The following MMP16 variants were observed in gnomAD, a reference collection of about 807,000 sequenced individuals.
MMP16 encodes matrix metalloproteinase-16.
A neutral mutation model predicts 67.8 loss-of-function variants in MMP16; 12 were observed. The observed-to-expected ratio is 0.18, with a 90% confidence interval of 0.11 to 0.29. The LOEUF (loss-of-function observed/expected upper bound fraction) is 0.29. Ranked by LOEUF, MMP16 falls within the 10% of genes least tolerant of loss-of-function variation. The probability of loss-of-function intolerance (pLI) is 1.00; values close to 1 mark genes in which losing one functional copy is unlikely to be tolerated. For synonymous variants in MMP16, 249 were observed against 255.9 expected (o/e 0.97, Z 0.26); for missense variants, 475 against 765.7 (o/e 0.62, Z 4.48).
chr8:88,144,133 T>C (rs949667659), intron 4 of MMP16, among the ~76,000 whole-genome samples: 2 of 151,998 alleles, frequency 1.3e-5, no homozygotes, highest in Admixed American at 6.6e-5. Flanking sequence ...TCTGGTTTAA[T>C]GTATAATCAT....
chr8:88,290,299 T>C (rs946789944), intron 1 of MMP16, among the ~76,000 whole-genome samples: 1 of 152,098 alleles, frequency 6.6e-6, no homozygotes, highest in African/African-American at 2.4e-5. Flanking sequence ...ACGTCTGTAA[T>C]CCCAGCAACT....
At chr8:88,307,942 A>T (rs1166848958) in intron 1 of MMP16, among the ~76,000 whole-genome samples, 1 of 152,078 alleles carries the variant, frequency 6.6e-6, no homozygotes, top group Non-Finnish European at 1.5e-5. Context: ...AAACTGCAAC[A>T]TAAGAAAAAT....
intron 1 of MMP16, among the ~76,000 whole-genome samples, chr8:88,302,550 A>G (rs1447015359): frequency 6.6e-6 from 1 of 152,192 alleles, no homozygotes; most frequent in African/African-American, 2.4e-5. Context: ...TCACACTTTA[A>G]TCCTAATTTT....
chr8:88,066,449 C>G (rs1346198019), intron 7 of MMP16, among the ~76,000 whole-genome samples: 2 of 151,900 alleles, frequency 1.3e-5, no homozygotes, highest in Non-Finnish European at 2.9e-5. Context: ...CTGGGTCTCT[C>G]TAAATAAAAA....
At chr8:88,082,835 T>G (rs1024643985) in intron 6 of MMP16, among the ~76,000 whole-genome samples, 2 of 151,742 alleles carry the variant, frequency 1.3e-5, no homozygotes, top group African/African-American at 4.8e-5. Context: ...TAAAAAAAAT[T>G]AAAATCAAAG....
intron 1 of MMP16, among the ~76,000 whole-genome samples, chr8:88,299,180 T>C (rs989124534): frequency 3.9e-5 from 6 of 152,184 alleles, no homozygotes; most frequent in African/African-American, 9.7e-5. Context: ...CTGTTCCCAA[T>C]TTGAAGAAAA....
intron 1 of MMP16, among the ~76,000 whole-genome samples, chr8:88,322,280 T>C (rs10094702): frequency 0.14 from 21,652 of 152,224 alleles, 2,050 homozygotes; most frequent in Non-Finnish European, 0.22. Context: ...CTTGATATTC[T>C]ATGATAGTAA....
At chr8:88,301,149 T>A (rs954825430) in intron 1 of MMP16, among the ~76,000 whole-genome samples, 2 of 152,210 alleles carry the variant, frequency 1.3e-5, no homozygotes, top group East Asian at 1.9e-4. Context: ...TTATCTCTCA[T>A]AAGGCTCTAA....
Position 88,041,768 on chromosome 8 carries a change from T to C in MMP16, c.1517A>G (p.Glu506Gly). 1.2e-6 allele frequency: 2 copies of C among 1,611,650 alleles called. No individual in the cohort carries two copies. Among genetic ancestry groups the C allele is most frequent in the Non-Finnish European group, 1.7e-6 (2 of 1,178,906 alleles). ...NGFTYFYKGK[E>G]YWKFNNQILK... ...TATCTGGTTGTTGAATTTCCAATAC[T>C]CCTTTCCTTTGTAGAAATACGTAAA... The change falls in exon 10 of 10, where the codon GAG becomes GGG. Residue 506 changes from glutamate (E) to glycine (G), a missense_variant. Glu to Gly is a moderately conservative substitution (Grantham distance 98). Transcript: ENST00000286614. This position sits in a 1 kb window ranked among gnomAD's most constrained non-coding sequence, Gnocchi z 6.0.
rs115027305 is a variant in MMP16 at position 88,182,600 on chromosome 8, C to T, written c.404+3876G>A. ...GTAGGTCTACAGTATCTCTCATTTA[C>T]TGCTGGTAATAATGCAAAATGGCAT... On this transcript the variant is annotated intron_variant, in intron 3 of 9. Transcript: ENST00000286614. Among the ~76,000 whole-genome samples the T allele has an allele frequency of 3.7e-3, 561 of 152,266 alleles. 4 individuals are homozygous for T. The highest frequency in any genetic ancestry group is 0.013 in the African/African-American group (530 of 41,576).
In MMP16 at chr8:88,181,218, C is replaced by T. The variant is rs187474412; in HGVS notation, c.404+5258G>A. On this transcript the variant is annotated intron_variant, in intron 3 of 9. Coordinates refer to ENST00000286614, the MANE Select transcript of MMP16 (RefSeq NM_005941.5). ...AACAATAAAAAGAAAAGAAAAGAGA[C>T]AGATTAGGAAGAAAAAAATACATAC... Among the ~76,000 whole-genome samples the T allele has an allele frequency of 6.5e-3, 993 of 151,940 alleles. 2 individuals are homozygous for T. Among genetic ancestry groups the T allele is most frequent in the Non-Finnish European group, 0.011 (753 of 67,888 alleles).
intron 2 of MMP16, among the ~76,000 whole-genome samples, chr8:88,196,647 G>A (rs1011446062): frequency 1.3e-5 from 2 of 152,090 alleles, no homozygotes; most frequent in African/African-American, 2.4e-5. Context: ...ATTTAGAACC[G>A]TCAGCAGTGG....
intron 8 of MMP16, among the ~76,000 whole-genome samples, chr8:88,051,079 G>T (rs1206893009): frequency 6.6e-6 from 1 of 152,164 alleles, no homozygotes; most frequent in Non-Finnish European, 1.5e-5. Context: ...CCCAAAGGTT[G>T]TCTGCTTTGT....
chr8:88,160,583 A>C (rs1808602373), intron 4 of MMP16, among the ~76,000 whole-genome samples: 1 of 152,138 alleles, frequency 6.6e-6, no homozygotes, highest in African/African-American at 2.4e-5. Flanking sequence ...CCATGATGAG[A>C]TACCACCTCG....
chr8:88,271,856 T>C (rs1810568787), intron 1 of MMP16, among the ~76,000 whole-genome samples: 1 of 152,162 alleles, frequency 6.6e-6, no homozygotes, highest in Non-Finnish European at 1.5e-5. Flanking sequence ...ACAGGAAAGT[T>C]AGTTTACGCA....
chr8:88,196,368 G>A (rs112105156), intron 2 of MMP16, among the ~76,000 whole-genome samples: 115 of 152,118 alleles, frequency 7.6e-4, no homozygotes, highest in African/African-American at 2.6e-3. Flanking sequence ...ATAATCTTAC[G>A]AAACTTACTG....
intron 1 of MMP16, among the ~76,000 whole-genome samples, chr8:88,228,494 T>C (rs1173429003): frequency 1.3e-5 from 2 of 152,072 alleles, no homozygotes; most frequent in Admixed American, 6.6e-5. Context: ...AATATATATG[T>C]TACCAATGAC....
Position 88,113,443 on chromosome 8 carries a change from A to T in MMP16, c.1083+3064T>A, listed in dbSNP as rs149100025. Reference sequence around the variant, plus strand: ...GAGTTTGTAATAAACGAAAGTAGAAAATCAACTTTTATTAATAAGAGTGAG... The same window carrying T: ...GAGTTTGTAATAAACGAAAGTAGAATATCAACTTTTATTAATAAGAGTGAG... On this transcript the variant is annotated intron_variant, in intron 6 of 9. Coordinates refer to ENST00000286614, the MANE Select transcript of MMP16 (RefSeq NM_005941.5). 1.8e-3 allele frequency among the ~76,000 whole-genome samples: 270 copies of T among 151,968 alleles called. 5 individuals are homozygous for T. Among genetic ancestry groups the T allele is most frequent in the African/African-American group, 6.3e-3 (261 of 41,536 alleles).
chr8:88,121,421 C>A (rs1431829151), intron 4 of MMP16, among the ~76,000 whole-genome samples: 1 of 151,900 alleles, frequency 6.6e-6, no homozygotes, highest in Non-Finnish European at 1.5e-5. Flanking sequence ...TGCAGCTTCA[C>A]AATAGTTTAA....
Sources: allele counts gnomAD v4.1 joint callset (sites outside exome capture counted in the v4.1 genomes callset), GRCh38; gene constraint gnomAD v4.1.1; non-coding constraint Gnocchi (gnomAD v3.1); transcripts MANE v1.5; gene names NCBI Gene and HGNC (gene_info 2026-07-23, HGNC 2026-07-21).